The following CLSTN2 variants were observed in gnomAD, a reference collection of about 807,000 sequenced individuals.
CLSTN2 encodes calsyntenin-2.
Under a neutral mutation model 101.2 loss-of-function variants are expected in CLSTN2, and 48 were observed. The ratio of observed to expected loss-of-function variants is 0.47; its 90% CI spans 0.38 to 0.60. The LOEUF is 0.60. CLSTN2 is among the 20% of genes least tolerant of loss of function. The pLI is 0.00. For missense variants in CLSTN2, 1,160 were observed against 1,238.2 expected (o/e 0.94, Z 0.95); for synonymous variants, 481 against 463.6 (o/e 1.04, Z -0.48).
At chr3:140,494,695 A>G (rs894619545) in intron 8 of CLSTN2, among the ~76,000 whole-genome samples, 2 of 152,142 alleles carry the variant, frequency 1.3e-5, no homozygotes, top group Non-Finnish European at 2.9e-5. Flanking sequence ...GCTCTGACTT[A>G]TAAGTGAGAA....
At chr3:140,081,880 T>C (rs2008604953) in intron 1 of CLSTN2, among the ~76,000 whole-genome samples, 1 of 152,194 alleles carries the variant, frequency 6.6e-6, no homozygotes. Flanking sequence ...CCCTTCTGGA[T>C]CTAGCTTACT....
chr3:140,490,707 C>A (rs1022442322), intron 8 of CLSTN2, among the ~76,000 whole-genome samples: 40 of 151,674 alleles, frequency 2.6e-4, no homozygotes, highest in African/African-American at 9.4e-4. Flanking sequence ...TATAGGAAGT[C>A]TTTCACCAAG....
At chr3:140,115,986 C>T (rs760800736) in intron 1 of CLSTN2, among the ~76,000 whole-genome samples, 98 of 152,158 alleles carry the variant, frequency 6.4e-4, no homozygotes, top group Non-Finnish European at 7.6e-4. Flanking sequence ...TTTGCTGTCC[C>T]GGAGCAGGAG....
At chr3:140,289,267 G>A (rs2086927546) in intron 2 of CLSTN2, among the ~76,000 whole-genome samples, 1 of 151,958 alleles carries the variant, frequency 6.6e-6, no homozygotes, top group African/African-American at 2.4e-5. Context: ...CAGCTAAAAA[G>A]TGGAGGTGCT....
chr3:140,514,489 C>T (rs1337537624), intron 8 of CLSTN2, among the ~76,000 whole-genome samples: 2 of 152,068 alleles, frequency 1.3e-5, no homozygotes, highest in Non-Finnish European at 2.9e-5. Flanking sequence ...TATACATATA[C>T]TACATATACA....
intron 2 of CLSTN2, among the ~76,000 whole-genome samples, chr3:140,183,999 GGCA>G (rs1461308633): frequency 6.6e-6 from 1 of 152,116 alleles, no homozygotes; most frequent in African/African-American, 2.4e-5. Flanking sequence ...TTTCTTATTG[GGCA>G]GCTTCCTGCT....
intron 1 of CLSTN2, among the ~76,000 whole-genome samples, chr3:140,158,142 G>T (rs1241646897): frequency 6.6e-6 from 1 of 152,114 alleles, no homozygotes; most frequent in East Asian, 1.9e-4. Flanking sequence ...TTGAGAATTG[G>T]AACAAGCTAA....
chr3:140,152,754 T>A (rs1257570401), intron 1 of CLSTN2, among the ~76,000 whole-genome samples: 3 of 152,176 alleles, frequency 2.0e-5, no homozygotes, highest in Non-Finnish European at 4.4e-5. Context: ...ATAAGGTTTA[T>A]AATTTCTGCT....
At chr3:139,961,364 C>T (rs1935507645) in intron 1 of CLSTN2, among the ~76,000 whole-genome samples, 1 of 152,122 alleles carries the variant, frequency 6.6e-6, no homozygotes, top group African/African-American at 2.4e-5. Flanking sequence ...GTATCCTTAG[C>T]TTTTTCCTAG....
chr3:140,221,655 A>G (rs1385140962), intron 2 of CLSTN2, among the ~76,000 whole-genome samples: 1 of 152,224 alleles, frequency 6.6e-6, no homozygotes, highest in African/African-American at 2.4e-5. Flanking sequence ...TAGTAATCTG[A>G]CTTAAAAATG....
chr3:140,515,752 A>T (rs963940393), intron 8 of CLSTN2, among the ~76,000 whole-genome samples: 5 of 152,186 alleles, frequency 3.3e-5, no homozygotes, highest in East Asian at 1.9e-4. Flanking sequence ...CAATTTTTTT[A>T]AAATGTATTG....
intron 4 of CLSTN2, among the ~76,000 whole-genome samples, chr3:140,420,082 T>G (rs997349182): frequency 1.3e-5 from 2 of 151,342 alleles, no homozygotes; most frequent in African/African-American, 4.9e-5. Flanking sequence ...TAAATAGAGA[T>G]GGGGTTTTAC....
At position 140,052,727 on chromosome 3, in the gene CLSTN2, A is replaced by C. The variant is rs373033353; in HGVS notation, c.109+117244A>C. Among the ~76,000 whole-genome samples, 68 of 151,900 alleles carry C rather than the reference A, an allele frequency of 4.5e-4. No individual in the cohort carries two copies. The East Asian group carries it at 0.01, about 23-fold the overall frequency. ...TTTCATTCTTCTCCTCAGAAAACCA[A>C]CTCTGCCCAGCTGATACGTGAAAAA... On this transcript the variant is annotated intron_variant, in intron 1 of 16. Coordinates refer to ENST00000458420, the MANE Select transcript of CLSTN2 (RefSeq NM_022131.3).
At chr3:140,387,191 A>G (rs2088062942) in intron 2 of CLSTN2, among the ~76,000 whole-genome samples, 1 of 152,124 alleles carries the variant, frequency 6.6e-6, no homozygotes, top group Admixed American at 6.5e-5. Context: ...GTAGGAGGAG[A>G]GCAGGGGGCA....
intron 1 of CLSTN2, among the ~76,000 whole-genome samples, chr3:139,946,038 C>T (rs185827141): frequency 7.9e-5 from 12 of 152,272 alleles, no homozygotes; most frequent in Admixed American, 2.6e-4. Context: ...AAGCACTTTA[C>T]ATATATTAAT....
intron 1 of CLSTN2, among the ~76,000 whole-genome samples, chr3:140,026,472 C>T (rs1030213737): frequency 6.6e-6 from 1 of 152,196 alleles, no homozygotes; most frequent in African/African-American, 2.4e-5. Flanking sequence ...AAAGTTTGCC[C>T]TCACATAAAG....
chr3:140,411,658 G>A (rs1162604417), intron 4 of CLSTN2, among the ~76,000 whole-genome samples: 1 of 152,168 alleles, frequency 6.6e-6, no homozygotes, highest in African/African-American at 2.4e-5. Context: ...CACATATTAG[G>A]TCATTGTTTT....
intron 2 of CLSTN2, among the ~76,000 whole-genome samples, chr3:140,256,496 A>C (rs368057880): frequency 6.6e-6 from 1 of 152,334 alleles, no homozygotes; most frequent in Admixed American, 6.5e-5. Context: ...ATTTAATGAG[A>C]TAAAATGAGA....
intron 8 of CLSTN2, among the ~76,000 whole-genome samples, chr3:140,499,548 A>G (rs1934528961): frequency 1.3e-5 from 2 of 152,202 alleles, no homozygotes; most frequent in African/African-American, 4.8e-5. Context: ...GAGCTGCCCA[A>G]TGGCCTGGGA....
Sources: gnomAD v4.1 joint callset for allele counts (sites outside exome capture counted in the v4.1 genomes callset) on GRCh38, gnomAD v4.1.1 for gene constraint, MANE v1.5 for transcripts, NCBI Gene and HGNC (gene_info 2026-07-23, HGNC 2026-07-21) for gene names.